COX15: variants seen among roughly 807,000 people sequenced by gnomAD.
The protein encoded by COX15 is cytochrome c oxidase assembly factor COX15.
COX15 carries 51 observed loss-of-function variants against 51.9 expected under a neutral mutation model. The observed-to-expected ratio is 0.98, with a 90% CI of 0.78 to 1.24. The LOEUF is 1.24. Among genes scored for constraint, COX15 ranks in the 50% most tolerant of loss-of-function variants. The pLI, the probability that COX15 is intolerant of heterozygous loss-of-function variation, is 0.00. For synonymous variants in COX15, 188 were observed against 190.5 expected (o/e 0.99, Z 0.11); for missense variants, 420 against 501.1 (o/e 0.84, Z 1.55).
At chr10:99,730,152 G>A (rs1381616746) in intron 1 of COX15, among the ~76,000 whole-genome samples, 2 of 152,142 alleles carry the variant, frequency 1.3e-5, no homozygotes, top group African/African-American at 2.4e-5. Context: ...TCTGCAATAG[G>A]TCACTCCCAC....
rs2036387362 is a variant in COX15 at position 99,711,563 on chromosome 10, C to T, written c.*3024G>A. On this transcript the variant is annotated 3_prime_UTR_variant, in exon 9 of 9. Transcript: ENST00000016171. The stretch of plus-strand genomic sequence containing the variant: ...TTCTAAGGTAACTAGGCTATTAGGA[C>T]CTAAGCCAGTGGTCCCTAGACTTGT... 1 of 985,294 alleles carries T rather than the reference C, an allele frequency of 1.0e-6. No homozygotes were observed. The highest frequency in any genetic ancestry group is 1.1e-4 in the East Asian group (1 of 8,828). 61.0% of individuals were successfully genotyped at this position (985,294 alleles called of 1,614,324 possible). A position where few individuals can be genotyped will look rare whatever the true frequency, so the allele number is the denominator to read the frequency against.
chr10:99,726,955 G>T lies in COX15; in HGVS notation c.582+13C>A. The T allele has an allele frequency of 1.3e-6, 2 of 1,593,962 alleles. No individual in the cohort carries two copies. The highest frequency in any genetic ancestry group is 2.2e-5 in the South Asian group (2 of 90,688). On this transcript the variant is annotated intron_variant, in intron 4 of 8. Coordinates refer to ENST00000016171, the MANE Select transcript of COX15 (RefSeq NM_078470.6). Reference sequence around the variant, plus strand: ...GGAGCATTTCTGGTTTCTCAACCTTGAATAAATCTTACCTGGAAGCAGACG... The same window carrying T: ...GGAGCATTTCTGGTTTCTCAACCTTTAATAAATCTTACCTGGAAGCAGACG...
the COX15 span, chr10:99,698,035 T>TTCTGTTCCAGCACTGC: frequency 6.1e-6 from 1 of 164,286 alleles, no homozygotes; most frequent in Non-Finnish European, 1.3e-5. Flanking sequence ...GCTGTGCCTG[T>TTCTGTTCCAGCACTGC]TCTGTTCCAG....
chr10:99,702,148 C>G, the COX15 span, among the ~76,000 whole-genome samples: 40 of 152,252 alleles, frequency 2.6e-4, no homozygotes, highest in Non-Finnish European at 5.4e-4. Context: ...TTTATCAGCT[C>G]CTGGCCCATC....
At chr10:99,702,513 T>C in the COX15 span, 2 of 1,562,672 alleles carry the variant, frequency 1.3e-6, no homozygotes, top group Non-Finnish European at 1.7e-6. Context: ...GTCACACAGA[T>C]ATCAGTGTTT....
the COX15 span, among the ~76,000 whole-genome samples, chr10:99,703,069 T>C: frequency 3.3e-5 from 5 of 152,212 alleles, no homozygotes; most frequent in African/African-American, 7.2e-5. Context: ...TCTAGAGCAA[T>C]CTTTCATAAC....
At chr10:99,702,569 T>C in the COX15 span, 1 of 1,612,882 alleles carries the variant, frequency 6.2e-7, no homozygotes, top group Non-Finnish European at 8.5e-7. Context: ...GATTCCACTT[T>C]CCCTATGACT....
chr10:99,706,508 TA>T (rs1325768002), downstream of COX15, among the ~76,000 whole-genome samples: 3 of 112,188 alleles, frequency 2.7e-5, no homozygotes, highest in Non-Finnish European at 6.3e-5. Flanking sequence ...GCTAATTTTT[TA>T]TTTTATTTTT....
chr10:99,695,418 A>T, the COX15 span, among the ~76,000 whole-genome samples: 1 of 152,126 alleles, frequency 6.6e-6, no homozygotes, highest in South Asian at 2.1e-4. Context: ...ACTACTCAGG[A>T]GGCTGAGGCA....
the COX15 span, among the ~76,000 whole-genome samples, chr10:99,703,246 T>C: frequency 1.3e-4 from 4 of 30,362 alleles, no homozygotes; most frequent in Non-Finnish European, 2.6e-4. Flanking sequence ...AATTTTTAGG[T>C]ACCTGTACCC....
the COX15 span, chr10:99,695,911 CAACCAAAACTA>C: frequency 6.4e-7 from 1 of 1,566,042 alleles, no homozygotes; most frequent in South Asian, 1.2e-5. Context: ...TTCTAGAAGG[CAACCAAAACTA>C]AAATTCCCTT....
At chr10:99,710,594 T>C, downstream of COX15, 1 of 985,438 alleles carries the variant, frequency 1.0e-6, no homozygotes, top group Non-Finnish European at 1.2e-6. Context: ...TTTAGGTCAG[T>C]GTTGAGGAAA....
In COX15 at chr10:99,713,042, T is replaced by C. The variant is rs2036446152; in HGVS notation, c.*1545A>G. Reference sequence around the variant, plus strand: ...TCTCTTCTTCTGGATACACACTTAGTGGCCATCAATATCTTGCTTAAATTT... The same window carrying C: ...TCTCTTCTTCTGGATACACACTTAGCGGCCATCAATATCTTGCTTAAATTT... On this transcript the variant is annotated 3_prime_UTR_variant, in exon 9 of 9. Transcript: ENST00000016171. 1 of 1,167,650 alleles carries C rather than the reference T, an allele frequency of 8.6e-7. No individual in the cohort carries two copies. Among genetic ancestry groups the C allele is most frequent in the South Asian group, 1.8e-5 (1 of 54,330 alleles). The allele number at this position is 1,167,650 out of a possible 1,614,324, so 72.3% of individuals were successfully genotyped here.
At chr10:99,729,524 A>C in intron 2 of COX15, 29 bp downstream of exon 2, 1 of 1,603,460 alleles carries the variant, frequency 6.2e-7, no homozygotes, top group Non-Finnish European at 8.5e-7. Context: ...TGATCCAAAT[A>C]CCTGACTCAC....
intron 1 of COX15, among the ~76,000 whole-genome samples, chr10:99,730,891 T>C (rs1468155301): frequency 1.3e-5 from 2 of 152,018 alleles, no homozygotes; most frequent in African/African-American, 2.4e-5. Context: ...CGAGACCCCC[T>C]ATCTCTATTT....
intron 4 of COX15, 131 bp from the exon 5 acceptor site, chr10:99,724,254 C>T (rs776030402): frequency 6.0e-6 from 6 of 1,007,344 alleles, no homozygotes; most frequent in Non-Finnish European, 9.0e-6. Context: ...GGGATCTTGG[C>T]TCACTGCAAT....
At chr10:99,709,290 A>C, downstream of COX15, 1 of 985,394 alleles carries the variant, frequency 1.0e-6, no homozygotes, top group Non-Finnish European at 1.2e-6. Context: ...AAATTAATTC[A>C]AAACTAGTAT....
At chr10:99,695,936 C>T in the COX15 span, 11 of 1,575,566 alleles carry the variant, frequency 7.0e-6, no homozygotes, top group Admixed American at 7.7e-5. Context: ...TTCCCTTTTT[C>T]TCTTGGTATT....
chr10:99,716,744 T>G, intron 7 of COX15: 1 of 368,002 alleles, frequency 2.7e-6, no homozygotes, highest in Non-Finnish European at 5.3e-6. Context: ...CCTTCCAATG[T>G]GGGTGTCCCC....
Sources: allele counts gnomAD v4.1 joint callset (sites outside exome capture counted in the v4.1 genomes callset), GRCh38; gene constraint gnomAD v4.1.1; transcripts MANE v1.5; gene names NCBI Gene and HGNC (gene_info 2026-07-23, HGNC 2026-07-21).